The following NPLOC4 variants were observed in gnomAD, a reference collection of about 807,000 sequenced individuals.
The protein encoded by NPLOC4 is NPL4 homolog, ubiquitin recognition factor, also known as nuclear protein localization protein 4 homolog.
Under a neutral mutation model 80.6 loss-of-function variants are expected in NPLOC4, and 18 were observed. That is an observed-to-expected ratio of 0.22 (90% CI 0.15 to 0.33). The LOEUF (loss-of-function observed/expected upper bound fraction) is 0.33. Among genes scored for constraint, NPLOC4 ranks in the 10% least tolerant of loss-of-function variants. The pLI is 1.00. For missense variants in NPLOC4, 540 were observed against 786.1 expected (o/e 0.69, Z 3.74); for synonymous variants, 313 against 301.5 (o/e 1.04, Z -0.39).
chr17:81,563,959 T>C (rs1266626845), intron 16 of NPLOC4: 1 of 454,192 alleles, frequency 2.2e-6, no homozygotes, highest in Non-Finnish European at 4.4e-6. Context: ...TACACATCTG[T>C]AATCCCAGCT....
intron 12 of NPLOC4, among the ~76,000 whole-genome samples, chr17:81,587,052 G>A (rs2034598440): frequency 6.6e-6 from 1 of 152,252 alleles, no homozygotes; most frequent in Admixed American, 6.5e-5. Context: ...CAGACAGACA[G>A]ACGGTCCACG....
chr17:81,588,915 C>T (rs2034660371), intron 12 of NPLOC4, 29 bp downstream of exon 12: 2 of 1,598,928 alleles, frequency 1.3e-6, no homozygotes, highest in Non-Finnish European at 8.5e-7. Flanking sequence ...TCTCCATGTA[C>T]AGAGTTCTTT....
At chr17:81,624,116 C>G (rs540400663) in intron 2 of NPLOC4, among the ~76,000 whole-genome samples, 1 of 152,162 alleles carries the variant, frequency 6.6e-6, no homozygotes, top group East Asian at 1.9e-4. Flanking sequence ...GAAACCCCAT[C>G]TCTCCTAAAA....
chr17:81,570,494 G>C (rs2034133337), intron 13 of NPLOC4, among the ~76,000 whole-genome samples: 1 of 152,218 alleles, frequency 6.6e-6, no homozygotes, highest in Non-Finnish European at 1.5e-5. Flanking sequence ...GTGAGCTAGT[G>C]GGACTGACGG....
At chr17:81,573,184 T>C (rs2034206196) in intron 12 of NPLOC4, among the ~76,000 whole-genome samples, 1 of 152,212 alleles carries the variant, frequency 6.6e-6, no homozygotes, top group Non-Finnish European at 1.5e-5. Flanking sequence ...ATATAAATCA[T>C]TCATTAAGTC....
chr17:81,559,498 G>A (rs1292273886), intron 16 of NPLOC4, 82 bp from the exon 17 acceptor site: 12 of 1,461,718 alleles, frequency 8.2e-6, no homozygotes, highest in East Asian at 4.9e-5. Flanking sequence ...GGCAGGGGCA[G>A]GCAGCTGAGA....
intron 4 of NPLOC4, among the ~76,000 whole-genome samples, chr17:81,610,779 C>T (rs1486096002): frequency 1.1e-5 from 1 of 87,790 alleles, no homozygotes; most frequent in African/African-American, 3.5e-5. Context: ...GGTGAAACCC[C>T]GTCTCTACTA....
At chr17:81,613,152 A>G in intron 4 of NPLOC4, 166 bp downstream of exon 4, 2 of 566,360 alleles carry the variant, frequency 3.5e-6, no homozygotes, top group South Asian at 9.7e-5. Context: ...AAAACCGATA[A>G]AAAGCTAACA....
At chr17:81,634,095 C>A (rs1407250915) in intron 1 of NPLOC4, among the ~76,000 whole-genome samples, 1 of 151,374 alleles carries the variant, frequency 6.6e-6, no homozygotes, top group Non-Finnish European at 1.5e-5. Context: ...TGGTCTCAAA[C>A]TCCTGAGCTC....
intron 7 of NPLOC4, among the ~76,000 whole-genome samples, chr17:81,606,372 G>T (rs191881831): frequency 2.0e-5 from 3 of 152,196 alleles, no homozygotes; most frequent in Admixed American, 6.5e-5. Context: ...GCTGGTCCAA[G>T]GGGTGCCCCT....
At chr17:81,598,854 G>A (rs2034990734) in intron 9 of NPLOC4, among the ~76,000 whole-genome samples, 1 of 152,194 alleles carries the variant, frequency 6.6e-6, no homozygotes, top group South Asian at 2.1e-4. Flanking sequence ...AGCCCACTGG[G>A]AGACTTTCAC....
intron 3 of NPLOC4, among the ~76,000 whole-genome samples, chr17:81,618,643 G>A (rs376456668): frequency 0.44 from 62,716 of 143,340 alleles, 14,985 homozygotes; most frequent in East Asian, 0.76. Flanking sequence ...GCCTCTGCCC[G>A]GCCGCCCCTA....
Position 81,557,249 on chromosome 17 carries a change from C to A in NPLOC4, c.*2010G>T, listed in dbSNP as rs969039532. The stretch of plus-strand genomic sequence containing the variant: ...CAGGGCCTGAACTCTCACAGCAGGG[C>A]TCACCCCCAAGCCTGTATGCTTAGC... On this transcript the variant is annotated 3_prime_UTR_variant, in exon 17 of 17. Transcript: ENST00000331134. The A allele has an allele frequency of 6.6e-6, 1 of 152,414 alleles. No homozygotes were observed. Among genetic ancestry groups the A allele is most frequent in the Non-Finnish European group, 1.5e-5 (1 of 68,052 alleles). 9.4% of individuals were successfully genotyped at this position (152,414 alleles called of 1,614,324 possible). A position where few individuals can be genotyped will look rare whatever the true frequency, so the allele number is the denominator to read the frequency against.
At chr17:81,565,674 G>T in intron 15 of NPLOC4, 67 bp from the exon 16 acceptor site, 1 of 1,206,474 alleles carries the variant, frequency 8.3e-7, no homozygotes, top group Non-Finnish European at 1.1e-6. Flanking sequence ...TGCTAGAACA[G>T]GTTTCTTTCT....
At chr17:81,609,013 T>C (rs939262957) in intron 5 of NPLOC4, 191 bp from the exon 6 acceptor site, 6 of 493,378 alleles carry the variant, frequency 1.2e-5, no homozygotes, top group African/African-American at 3.9e-5. Context: ...AATTAATTGT[T>C]TTTTGTTTGT....
chr17:81,559,722 T>G (rs1229385951), intron 16 of NPLOC4, among the ~76,000 whole-genome samples: 1 of 142,392 alleles, frequency 7.0e-6, no homozygotes, highest in Non-Finnish European at 1.5e-5. Context: ...TTGGGTTGTT[T>G]CCAGCTTTTT....
chr17:81,625,519 A>C (rs7504011), intron 2 of NPLOC4, among the ~76,000 whole-genome samples: 12,129 of 152,190 alleles, frequency 0.08, 561 homozygotes, highest in Middle Eastern at 0.17. Context: ...ACTGAAAAAC[A>C]CAAGAACAGA....
intron 16 of NPLOC4, chr17:81,563,980 C>T (rs894932378): frequency 2.7e-5 from 12 of 451,380 alleles, no homozygotes; most frequent in African/African-American, 2.4e-4. Flanking sequence ...ACTCGGGAGG[C>T]TGAGGGAGGG....
Position 81,559,030 on chromosome 17 carries a change from T to C in NPLOC4, c.*229A>G. On this transcript the variant is annotated 3_prime_UTR_variant, in exon 17 of 17. Transcript: ENST00000331134. ...TTAGGCGTGAGGAGCCGCTCTGCGTTTCCAGTCTGGAGACTGCATTCAGCC... is the reference window on the plus strand; with the variant it reads ...TTAGGCGTGAGGAGCCGCTCTGCGTCTCCAGTCTGGAGACTGCATTCAGCC... The C allele has an allele frequency of 1.9e-6, 1 of 533,964 alleles. No individual in the cohort carries two copies. Among genetic ancestry groups the C allele is most frequent in the Non-Finnish European group, 3.3e-6 (1 of 301,618 alleles). 33.1% of individuals were successfully genotyped at this position (533,964 alleles called of 1,614,324 possible).
Sources: gnomAD v4.1 joint callset for allele counts (sites outside exome capture counted in the v4.1 genomes callset) on GRCh38, gnomAD v4.1.1 for gene constraint, MANE v1.5 for transcripts, NCBI Gene and HGNC (gene_info 2026-07-23, HGNC 2026-07-21) for gene names.